Variants in FNBP1 observed in about 807,000 individuals in gnomAD.
FNBP1 encodes the protein formin-binding protein 1.
Under a neutral mutation model 90.6 loss-of-function variants are expected in FNBP1, and 26 were observed. That is an observed-to-expected ratio of 0.29 (90% confidence interval 0.21 to 0.40). The LOEUF (loss-of-function observed/expected upper bound fraction) is 0.40. Among genes scored for constraint, FNBP1 ranks in the 10% least tolerant of loss-of-function variants. The pLI is 1.00. For synonymous variants in FNBP1, 260 were observed against 265.2 expected (o/e 0.98, Z 0.19); for missense variants, 635 against 768.0 (o/e 0.83, Z 2.05).
At chr9:130,004,710 A>T (rs953761838) in intron 1 of FNBP1, among the ~76,000 whole-genome samples, 2 of 152,188 alleles carry the variant, frequency 1.3e-5, no homozygotes, top group African/African-American at 4.8e-5. Context: ...AAAATGTTTT[A>T]AAAAATCAAT....
intron 6 of FNBP1, among the ~76,000 whole-genome samples, chr9:129,939,150 AG>A (rs2043944876): frequency 6.6e-6 from 1 of 152,026 alleles, no homozygotes; most frequent in Non-Finnish European, 1.5e-5. Context: ...GCACTTTGGG[AG>A]GCTGAGGCGG....
chr9:129,905,945 G>A (rs982819960), intron 12 of FNBP1, among the ~76,000 whole-genome samples: 3 of 149,934 alleles, frequency 2.0e-5, no homozygotes, highest in Non-Finnish European at 4.4e-5. Context: ...ATGTAATGGC[G>A]CGATCTCAGC....
intron 6 of FNBP1, among the ~76,000 whole-genome samples, chr9:129,930,124 G>A (rs997925483): frequency 5.3e-5 from 8 of 151,146 alleles, no homozygotes; most frequent in African/African-American, 1.7e-4. Flanking sequence ...GCAGTGGCAC[G>A]ATCCTGGCTC....
chr9:130,038,631 G>A (rs1298478877), intron 1 of FNBP1, among the ~76,000 whole-genome samples: 1 of 152,020 alleles, frequency 6.6e-6, no homozygotes, highest in East Asian at 1.9e-4. Flanking sequence ...TCCTGATGTC[G>A]TGATCTGCCC....
At chr9:129,892,341 G>T (rs1425223705) in intron 16 of FNBP1, among the ~76,000 whole-genome samples, 1 of 142,424 alleles carries the variant, frequency 7.0e-6, no homozygotes, top group African/African-American at 2.7e-5. Flanking sequence ...AAATATTTTG[G>T]CAATTATTAA....
intron 4 of FNBP1, among the ~76,000 whole-genome samples, chr9:129,975,534 A>G (rs2050164980): frequency 6.6e-6 from 1 of 152,332 alleles, no homozygotes; most frequent in Non-Finnish European, 1.5e-5. Flanking sequence ...TCCGAAATAC[A>G]GATATGACAG....
At chr9:129,892,414 C>CACACACAA (rs762912634) in intron 16 of FNBP1, among the ~76,000 whole-genome samples, 5,829 of 125,128 alleles carry the variant, frequency 0.047, 324 homozygotes, top group East Asian at 0.21. Context: ...CACACACACA[C>CACACACAA]ACAAAAAGGT....
intron 4 of FNBP1, among the ~76,000 whole-genome samples, chr9:129,977,532 C>A (rs931576402): frequency 1.3e-5 from 2 of 150,050 alleles, no homozygotes; most frequent in African/African-American, 4.9e-5. Context: ...GCTCTTGTCA[C>A]CCAGGCTGGA....
intron 6 of FNBP1, among the ~76,000 whole-genome samples, chr9:129,939,886 A>C (rs1478402015): frequency 1.3e-5 from 2 of 152,182 alleles, no homozygotes; most frequent in African/African-American, 4.8e-5. Context: ...CCTGAGCTAA[A>C]AGAACAATGT....
intron 12 of FNBP1, among the ~76,000 whole-genome samples, chr9:129,905,098 T>A (rs1167688314): frequency 6.6e-6 from 1 of 151,878 alleles, no homozygotes; most frequent in East Asian, 1.9e-4. Flanking sequence ...GTCTCGTCTC[T>A]TGACTTCATG....
At position 129,994,923 on chromosome 9, in the gene FNBP1, C is replaced by A. The variant is rs374613103; in HGVS notation, c.60G>T (p.Trp20Cys). 5.7e-5 allele frequency: 92 copies of A among 1,605,152 alleles called. No individual in the cohort carries two copies. Among genetic ancestry groups the A allele is most frequent in the Non-Finnish European group, 6.9e-5 (81 of 1,173,718 alleles). The change falls in exon 2 of 17, where the codon TGG becomes TGT. Residue 20 changes from tryptophan (W) to cysteine (C), a missense_variant. Physicochemically the swap from Trp to Cys is radical, Grantham distance 215. Transcript: ENST00000446176. ...TATATTTCTCAAGAATATCAATTCC[C>A]CACTGTGTGTGTTTTTCTAAGTTGT... ...QFDNLEKHTQ[W>C]GIDILEKYIK... is the part of the protein sequence containing the mutation.
In FNBP1 at chr9:129,890,247, GGC is replaced by G; in HGVS notation, c.*290_*291del. On this transcript the variant is annotated 3_prime_UTR_variant, in exon 17 of 17. Coordinates refer to ENST00000446176, the MANE Select transcript of FNBP1 (RefSeq NM_015033.3). This position sits in a 1 kb window ranked among gnomAD's most constrained non-coding sequence, Gnocchi z 5.8. ...GAGGGCCCAGGAAGGAGCAGGTAGG[GGC>G]GTGTGTCCCACCGTCTCAGTGGCCT... 2.0e-6 allele frequency: 1 copy of G among 507,642 alleles called. No individual in the cohort carries two copies. Among genetic ancestry groups the G allele is most frequent in the South Asian group, 2.9e-5 (1 of 34,306 alleles). The allele number at this position is 507,642 out of a possible 1,614,324, so 31.4% of individuals were successfully genotyped here. A position where few individuals can be genotyped will look rare whatever the true frequency, so the allele number is the denominator to read the frequency against.
At chr9:129,974,369 T>C (rs539306593) in intron 4 of FNBP1, among the ~76,000 whole-genome samples, 3 of 152,032 alleles carry the variant, frequency 2.0e-5, no homozygotes, top group Admixed American at 6.6e-5. Flanking sequence ...GCAGTCCCCA[T>C]TGAGGTTAGC....
At chr9:129,918,463 TG>T (rs1417041508) in intron 10 of FNBP1, among the ~76,000 whole-genome samples, 1 of 152,232 alleles carries the variant, frequency 6.6e-6, no homozygotes, top group Admixed American at 6.5e-5. Context: ...TAAAGAGCCG[TG>T]GGAGCCACAA....
At chr9:129,898,017 A>G (rs1356537929) in intron 15 of FNBP1, among the ~76,000 whole-genome samples, 7 of 151,686 alleles carry the variant, frequency 4.6e-5, no homozygotes, top group African/African-American at 1.5e-4. Context: ...TTTAGTAGAG[A>G]CGGGGTTTCA....
intron 11 of FNBP1, among the ~76,000 whole-genome samples, chr9:129,915,362 C>T (rs1474705586): frequency 6.6e-6 from 1 of 151,894 alleles, no homozygotes; most frequent in African/African-American, 2.4e-5. Flanking sequence ...TTAATATTTA[C>T]GTTCATATAT....
chr9:129,956,142 G>A (rs2046906010), intron 6 of FNBP1, among the ~76,000 whole-genome samples: 1 of 152,068 alleles, frequency 6.6e-6, no homozygotes, highest in South Asian at 2.1e-4. Flanking sequence ...GCTGAGTCTA[G>A]GGGTATGTGC....
chr9:129,931,708 G>A (rs775088497), intron 6 of FNBP1, among the ~76,000 whole-genome samples: 7 of 151,946 alleles, frequency 4.6e-5, no homozygotes, highest in Non-Finnish European at 1.0e-4. Flanking sequence ...TGAGGTGGGA[G>A]GATTGCTTGA....
At chr9:130,029,396 G>A (rs956814583) in intron 1 of FNBP1, among the ~76,000 whole-genome samples, 2 of 152,132 alleles carry the variant, frequency 1.3e-5, no homozygotes, top group South Asian at 2.1e-4. Flanking sequence ...TTAGAGGCAT[G>A]AGCCAGCATG....
Sources: allele counts gnomAD v4.1 joint callset (sites outside exome capture counted in the v4.1 genomes callset), GRCh38; gene constraint gnomAD v4.1.1; non-coding constraint Gnocchi (gnomAD v3.1); transcripts MANE v1.5; gene names NCBI Gene and HGNC (gene_info 2026-07-23, HGNC 2026-07-21).